The following SMIM41 variants were observed in gnomAD, a reference collection of about 807,000 sequenced individuals.
The protein encoded by SMIM41 is small integral membrane protein 41.
chr12:52,085,805 A>C (rs1939884274), intron 2 of SMIM41, among the ~76,000 whole-genome samples: 1 of 152,170 alleles, frequency 6.6e-6, no homozygotes, highest in African/African-American at 2.4e-5. Context: ...CTGTGCACCA[A>C]ATCTGGGCCT....
rs77130816 is a variant in SMIM41 at position 52,079,865 on chromosome 12, C to A, written c.86C>A (p.Pro29His). The change falls in exon 1 of 3, where the codon CCC becomes CAC. Residue 29 changes from proline (P) to histidine (H), a missense_variant. By Grantham distance (77) the Pro-to-His change is moderately conservative (BLOSUM62 -2). Transcript: ENST00000546390. ...CNQSASPPEP[P>H]EGPRAVQAVV... ...CAGTCGGCGTCGCCGCCGGAGCCCC[C>A]CGAGGGGCCGCGCGCGGTGCAGGCG... 7.7e-6 allele frequency: 3 copies of A among 391,728 alleles called. No individual in the cohort carries two copies. Among genetic ancestry groups the A allele is most frequent in the Non-Finnish European group, 1.4e-5 (3 of 221,606 alleles). The allele number at this position is 391,728 out of a possible 1,614,324, so 24.3% of individuals were successfully genotyped here.
chr12:52,098,605 G>A (rs1244637591), intron 2 of SMIM41, among the ~76,000 whole-genome samples: 1 of 151,404 alleles, frequency 6.6e-6, no homozygotes, highest in Admixed American at 6.6e-5. Flanking sequence ...TACAGACCCT[G>A]TGACATTTGC....
chr12:52,089,460 G>A (rs1011904745), intron 2 of SMIM41, among the ~76,000 whole-genome samples: 6 of 152,030 alleles, frequency 3.9e-5, no homozygotes, highest in South Asian at 2.1e-4. Flanking sequence ...AAAATTAGCC[G>A]GGCATGGTGG....
chr12:52,105,642 G>A (rs144647829), intron 2 of SMIM41, among the ~76,000 whole-genome samples: 6,582 of 152,042 alleles, frequency 0.043, 166 homozygotes, highest in South Asian at 0.074. Flanking sequence ...AATCTCAGCT[G>A]CTCAGCAGGC....
chr12:52,098,105 T>C (rs796766158), intron 2 of SMIM41, among the ~76,000 whole-genome samples: 4 of 152,250 alleles, frequency 2.6e-5, no homozygotes, highest in African/African-American at 9.6e-5. Context: ...TGTCATCCTG[T>C]GCCTCCCTGG....
rs549508588 is a variant in SMIM41 at position 52,102,964 on chromosome 12, G to A, written c.*196-4415G>A. Among the ~76,000 whole-genome samples the A allele has an allele frequency of 3.9e-5, 6 of 152,324 alleles. No homozygotes were observed. In the East Asian group the frequency reaches 7.7e-4, roughly 20 times the overall value. ...AAATGGGGAAGCAACCCAAGGGTTC[G>A]TGGACAGATGAATGAAAAAACACGC... On this transcript the variant is annotated intron_variant, in intron 2 of 2. Transcript: ENST00000546390.
At chr12:52,093,123 G>C (rs979239630) in intron 2 of SMIM41, among the ~76,000 whole-genome samples, 1 of 152,086 alleles carries the variant, frequency 6.6e-6, no homozygotes, top group Non-Finnish European at 1.5e-5. Flanking sequence ...GCTTGAACCC[G>C]GGAGGCAGTG....
chr12:52,102,694 T>A (rs1940241494), intron 2 of SMIM41, among the ~76,000 whole-genome samples: 1 of 152,118 alleles, frequency 6.6e-6, no homozygotes, highest in Admixed American at 6.5e-5. Flanking sequence ...CACATTAGGA[T>A]GGATATGATA....
intron 2 of SMIM41, among the ~76,000 whole-genome samples, chr12:52,098,826 T>C (rs1303279387): frequency 6.6e-6 from 1 of 151,572 alleles, no homozygotes; most frequent in Non-Finnish European, 1.5e-5. Context: ...GGGGAGGGTG[T>C]ACATTCCCTG....
Position 52,081,709 on chromosome 12 carries a change from A to T in SMIM41, c.*120+1528A>T, listed in dbSNP as rs1939822200. 6.6e-6 allele frequency among the ~76,000 whole-genome samples: 1 copy of T among 151,920 alleles called. No homozygotes were observed. On this transcript the variant is annotated intron_variant, in intron 1 of 2. Transcript: ENST00000546390. The surrounding 1 kb of genome is among the most constrained non-coding windows in gnomAD (Gnocchi z 4.1). ...GTTTCACCCAGCTGCCTTGCCTGTCACCCTCTGGCCCCATACTCTCCTCTC... is the reference window on the plus strand; with the variant it reads ...GTTTCACCCAGCTGCCTTGCCTGTCTCCCTCTGGCCCCATACTCTCCTCTC...
intron 2 of SMIM41, among the ~76,000 whole-genome samples, chr12:52,086,913 G>A (rs1424866466): frequency 6.6e-6 from 1 of 152,184 alleles, no homozygotes; most frequent in Non-Finnish European, 1.5e-5. Context: ...CCTCATGCCT[G>A]GATGACTTCA....
At chr12:52,099,256 A>G (rs1274212208) in intron 2 of SMIM41, among the ~76,000 whole-genome samples, 1 of 151,926 alleles carries the variant, frequency 6.6e-6, no homozygotes, top group African/African-American at 2.4e-5. Flanking sequence ...GTTAAAAACC[A>G]AATCACGGGG....
intron 2 of SMIM41, 95 bp from the exon 3 acceptor site, chr12:52,107,284 G>C: frequency 2.4e-6 from 1 of 423,272 alleles, no homozygotes; most frequent in Non-Finnish European, 4.7e-6. Flanking sequence ...TGGTTTACTT[G>C]TTTCTGATTT....
At chr12:52,100,610 C>T (rs1236176140) in intron 2 of SMIM41, among the ~76,000 whole-genome samples, 1 of 150,974 alleles carries the variant, frequency 6.6e-6, no homozygotes, top group Non-Finnish European at 1.5e-5. Context: ...GCATGCGCTA[C>T]CGCGCCCAGC....
chr12:52,094,038 C>T (rs936428528), intron 2 of SMIM41, among the ~76,000 whole-genome samples: 1 of 147,264 alleles, frequency 6.8e-6, no homozygotes, highest in Admixed American at 6.9e-5. Flanking sequence ...GGCTGAGGCA[C>T]GAGAATTGCT....
chr12:52,096,626 A>C (rs1940101116), intron 2 of SMIM41, among the ~76,000 whole-genome samples: 1 of 151,820 alleles, frequency 6.6e-6, no homozygotes, highest in African/African-American at 2.4e-5. Flanking sequence ...CTGATGAATA[A>C]GATCAGTACC....
chr12:52,080,999 G>A (rs902437634), intron 1 of SMIM41, among the ~76,000 whole-genome samples: 11 of 152,120 alleles, frequency 7.2e-5, no homozygotes, highest in Non-Finnish European at 1.5e-4. Context: ...GCTGCTCCGG[G>A]AAGTGGGGCT....
chr12:52,090,859 A>G (rs17126283), intron 2 of SMIM41, among the ~76,000 whole-genome samples: 54,643 of 151,910 alleles, frequency 0.36, 11,712 homozygotes, highest in African/African-American at 0.56. Flanking sequence ...TTGAATACAG[A>G]TCCCACGCCT....
rs140077034 is a variant in SMIM41 at position 52,093,342 on chromosome 12, A to T, written c.*195+9374A>T. ...AGCCCCAGAATTTCATTTTTGCCACAACTATTTTACCCAAACTTTGTTGTA... is the reference window on the plus strand; with the variant it reads ...AGCCCCAGAATTTCATTTTTGCCACTACTATTTTACCCAAACTTTGTTGTA... On this transcript the variant is annotated intron_variant, in intron 2 of 2. Transcript: ENST00000546390. Among the ~76,000 whole-genome samples, 345 of 152,312 alleles carry T rather than the reference A, an allele frequency of 2.3e-3. 2 individuals carry two copies. The highest frequency in any genetic ancestry group is 7.8e-3 in the African/African-American group (325 of 41,566).
Sources: gnomAD v4.1 joint callset for allele counts (sites outside exome capture counted in the v4.1 genomes callset) on GRCh38, gnomAD v4.1.1 for gene constraint, Gnocchi (gnomAD v3.1) non-coding constraint, MANE v1.5 for transcripts, NCBI Gene and HGNC (gene_info 2026-07-23, HGNC 2026-07-21) for gene names.